Variants in AFG2A observed in about 807,000 individuals in gnomAD.
AFG2A encodes the protein ATPase family gene 2 protein homolog A.
the AFG2A span, among the ~76,000 whole-genome samples, chr4:123,025,649 A>G: frequency 6.6e-6 from 1 of 152,066 alleles, no homozygotes; most frequent in Non-Finnish European, 1.5e-5. Flanking sequence ...TTAAAATGAC[A>G]TGGGTGTCGG....
At chr4:123,132,097 TC>T in the AFG2A span, among the ~76,000 whole-genome samples, 1 of 152,012 alleles carries the variant, frequency 6.6e-6, no homozygotes, top group Non-Finnish European at 1.5e-5. Context: ...CTTGGCCTTT[TC>T]CCCCCCAGAT....
chr4:122,940,556 C>G, the AFG2A span, among the ~76,000 whole-genome samples: 461 of 152,132 alleles, frequency 3.0e-3, 4 homozygotes, highest in African/African-American at 0.011. Flanking sequence ...GAGTAGGTTG[C>G]GAAAATTTTC....
At chr4:123,294,544 TAAATGGTATGGGGCAAAGAA>T in the AFG2A span, among the ~76,000 whole-genome samples, 1 of 152,070 alleles carries the variant, frequency 6.6e-6, no homozygotes. Flanking sequence ...TTGGTCAGAT[TAAATGGTATGGGGCAAAGAA>T]AAAGGGGCAT....
the AFG2A span, among the ~76,000 whole-genome samples, chr4:122,977,533 G>A: frequency 6.6e-6 from 1 of 152,266 alleles, no homozygotes; most frequent in African/African-American, 2.4e-5. Context: ...GCCCCAAAGA[G>A]AGTGTCACAG....
chr4:123,184,966 T>C, the AFG2A span, among the ~76,000 whole-genome samples: 4 of 152,322 alleles, frequency 2.6e-5, no homozygotes, highest in East Asian at 7.7e-4. Flanking sequence ...TAGCATTATG[T>C]TGCTAAGATG....
the AFG2A span, among the ~76,000 whole-genome samples, chr4:122,939,075 CTTTTTTTTTTTT>C: frequency 1.2e-4 from 12 of 102,190 alleles, no homozygotes; most frequent in African/African-American, 2.5e-4. Flanking sequence ...TATGTTCTTT[CTTTTTTTTTTTT>C]TTTTTTTTTT....
chr4:122,937,299 C>G, the AFG2A span, among the ~76,000 whole-genome samples: 6 of 152,220 alleles, frequency 3.9e-5, no homozygotes, highest in Non-Finnish European at 8.8e-5. Context: ...GATCCTCCCC[C>G]TGTAGCCTCC....
chr4:123,122,262 A>G, the AFG2A span, among the ~76,000 whole-genome samples: 2 of 152,210 alleles, frequency 1.3e-5, no homozygotes, highest in African/African-American at 2.4e-5. Flanking sequence ...TCAACTTACA[A>G]TGGAGTTCCT....
chr4:123,166,562 A>T, the AFG2A span, among the ~76,000 whole-genome samples: 1 of 152,194 alleles, frequency 6.6e-6, no homozygotes, highest in South Asian at 2.1e-4. Flanking sequence ...AGTGCAACTT[A>T]TTAAATTATA....
At chr4:123,300,359 C>G in the AFG2A span, among the ~76,000 whole-genome samples, 18 of 152,262 alleles carry the variant, frequency 1.2e-4, 1 homozygote, top group African/African-American at 4.3e-4. Flanking sequence ...CTTCCGTTAC[C>G]TCACATATAT....
At chr4:123,002,022 C>G in the AFG2A span, among the ~76,000 whole-genome samples, 1 of 152,146 alleles carries the variant, frequency 6.6e-6, no homozygotes, top group African/African-American at 2.4e-5. Context: ...GGATAGTTAG[C>G]TCTTCTTGTT....
chr4:122,978,341 T>C, the AFG2A span, among the ~76,000 whole-genome samples: 1 of 152,070 alleles, frequency 6.6e-6, no homozygotes, highest in Non-Finnish European at 1.5e-5. Flanking sequence ...CTGCTCTTAG[T>C]GGTGAGGAGA....
the AFG2A span, among the ~76,000 whole-genome samples, chr4:123,094,006 G>A: frequency 6.6e-6 from 1 of 152,166 alleles, no homozygotes; most frequent in Non-Finnish European, 1.5e-5. Flanking sequence ...AAGTTATGGT[G>A]TCTTCCTCTT....
At chr4:122,974,662 C>T in the AFG2A span, among the ~76,000 whole-genome samples, 660 of 151,568 alleles carry the variant, frequency 4.4e-3, 2 homozygotes, top group Non-Finnish European at 4.7e-3. Context: ...TTTTTTGAGA[C>T]GGAGTTTTGC....
At chr4:122,946,859 A>T in the AFG2A span, among the ~76,000 whole-genome samples, 1 of 152,084 alleles carries the variant, frequency 6.6e-6, no homozygotes, top group African/African-American at 2.4e-5. Context: ...AGTAGGGGAA[A>T]AGGACTGTTT....
chr4:122,953,005 A>C, the AFG2A span, among the ~76,000 whole-genome samples: 10 of 152,132 alleles, frequency 6.6e-5, no homozygotes, highest in Non-Finnish European at 8.8e-5. Context: ...TGGGCCGTAC[A>C]TGGCTGTTGT....
the AFG2A span, among the ~76,000 whole-genome samples, chr4:123,158,142 A>C: frequency 9.2e-5 from 14 of 152,352 alleles, no homozygotes; most frequent in Non-Finnish European, 1.6e-4. Flanking sequence ...GCCAAAAAAT[A>C]GATTGAAATC....
chr4:122,971,608 G>A, the AFG2A span, among the ~76,000 whole-genome samples: 1 of 151,960 alleles, frequency 6.6e-6, no homozygotes, highest in Admixed American at 6.5e-5. Flanking sequence ...TAATAGAAGT[G>A]GTAACAATAG....
At chr4:123,319,064 TTA>T in the AFG2A span, 12 of 152,226 alleles carry the variant, frequency 7.9e-5, no homozygotes, top group Non-Finnish European at 2.9e-5. Flanking sequence ...GGCTTCTAAC[TTA>T]TTTCTTCATG....
Sources: gnomAD v4.1 joint callset for allele counts (sites outside exome capture counted in the v4.1 genomes callset) on GRCh38, gnomAD v4.1.1 for gene constraint, MANE v1.5 for transcripts, NCBI Gene and HGNC (gene_info 2026-07-23, HGNC 2026-07-21) for gene names.